The following DOCK7 variants were observed in gnomAD, a reference collection of about 807,000 sequenced individuals.
The protein encoded by DOCK7 is dedicator of cytokinesis 7.
In DOCK7, 138 loss-of-function variants were observed where a neutral mutation model predicts 271.0. The ratio of observed to expected loss-of-function variants is 0.51; its 90% CI spans 0.44 to 0.59. DOCK7 has a LOEUF of 0.59. Ranked by LOEUF, DOCK7 falls within the 20% of genes least tolerant of loss-of-function variation. The pLI, the probability that DOCK7 is intolerant of heterozygous loss-of-function variation, is 0.00. For synonymous variants in DOCK7, 823 were observed against 876.1 expected (o/e 0.94, Z 1.07); for missense variants, 2,066 against 2,592.4 (o/e 0.80, Z 4.41).
chr1:62,610,041 G>C (rs2149562152), intron 14 of DOCK7, among the ~76,000 whole-genome samples: 1 of 152,234 alleles, frequency 6.6e-6, no homozygotes, highest in East Asian at 1.9e-4. Context: ...AGTAGAGACG[G>C]AGTTTCATCA....
chr1:62,552,704 A>G (rs2149421831), intron 22 of DOCK7, 28 bp downstream of exon 22: 1 of 1,557,416 alleles, frequency 6.4e-7, no homozygotes, highest in Non-Finnish European at 8.7e-7. Flanking sequence ...ACAAAAACCA[A>G]ATTTACAGAT....
Position 62,559,062 on chromosome 1 carries a change from G to C in DOCK7, c.2358C>G (p.Val786=), listed in dbSNP as rs2149439256. ...TATCTAGCAGAAGATGAAGAAATCGGACCACTGGTTCCAGCTGGGATGAAT... is the reference window on the plus strand; with the variant it reads ...TATCTAGCAGAAGATGAAGAAATCGCACCACTGGTTCCAGCTGGGATGAAT... ...ALNSSQLEPV[V]RFLHLLLDKL... The change falls in exon 20 of 50, where the codon GTC becomes GTG. Residue 786 remains valine, a synonymous_variant. Coordinates refer to ENST00000635253, the MANE Select transcript of DOCK7 (RefSeq NM_001367561.1). 1 of 1,613,766 alleles carries C rather than the reference G, an allele frequency of 6.2e-7. No homozygotes were observed. Among genetic ancestry groups the C allele is most frequent in the South Asian group, 1.1e-5 (1 of 91,056 alleles).
intron 4 of DOCK7, among the ~76,000 whole-genome samples, chr1:62,650,697 CTCA>C (rs1442011325): frequency 4.6e-5 from 7 of 152,156 alleles, no homozygotes. Context: ...TGAAAAAATG[CTCA>C]TCATCACTGG....
intron 34 of DOCK7, 52 bp downstream of exon 34, chr1:62,510,525 A>G (rs944677362): frequency 7.3e-7 from 1 of 1,377,676 alleles, no homozygotes; most frequent in African/African-American, 1.4e-5. Flanking sequence ...TTCCTCTTAC[A>G]TTTTAAAATT....
chr1:62,462,914 CTTT>C (rs34400688), intron 48 of DOCK7, among the ~76,000 whole-genome samples: 35 of 79,346 alleles, frequency 4.4e-4, no homozygotes, highest in Non-Finnish European at 4.7e-4. Flanking sequence ...GTAGAAAAAG[CTTT>C]TTTTTTTTTT....
At chr1:62,673,804 A>C (rs1660258869) in intron 1 of DOCK7, among the ~76,000 whole-genome samples, 1 of 152,126 alleles carries the variant, frequency 6.6e-6, no homozygotes, top group South Asian at 2.1e-4. Context: ...CATCATACTT[A>C]ACAGTGAAAG....
In DOCK7 at chr1:62,653,777, CAT is replaced by C. The variant is rs1657657198; in HGVS notation, c.335_336del (p.His112ArgfsTer2). 6.3e-7 allele frequency: 1 copy of C among 1,595,034 alleles called. No homozygotes were observed. The highest frequency in any genetic ancestry group is 1.1e-5 in the South Asian group (1 of 90,206). On this transcript the variant is annotated frameshift_variant, in exon 4 of 50. Transcript: ENST00000635253. LOFTEE classifies it high-confidence loss of function. ...AVPEESEMDP[H>X]VRDCIRSYTE... ...GTATAACTTCTTATACAGTCTCTAA[CAT>C]GTGGATCCATTTCACTATTTTAAAA...
chr1:62,517,210 C>T (rs1326883777), intron 31 of DOCK7, among the ~76,000 whole-genome samples: 1 of 152,184 alleles, frequency 6.6e-6, no homozygotes, highest in Non-Finnish European at 1.5e-5. Context: ...AAACCTTATG[C>T]CTTTTATTAC....
At chr1:62,574,593 A>C (rs1181882871) in intron 18 of DOCK7, among the ~76,000 whole-genome samples, 1 of 152,236 alleles carries the variant, frequency 6.6e-6, no homozygotes, top group African/African-American at 2.4e-5. Context: ...GTCAGAAAAC[A>C]AACTGACATT....
At chr1:62,604,849 A>G in intron 14 of DOCK7, 2 of 1,586,666 alleles carry the variant, frequency 1.3e-6, no homozygotes, top group Non-Finnish European at 1.7e-6. Context: ...AATAATTTAA[A>G]CATTAACCTC....
intron 40 of DOCK7, among the ~76,000 whole-genome samples, chr1:62,493,115 TATAAC>T (rs1335128149): frequency 3.9e-5 from 6 of 152,298 alleles, no homozygotes; most frequent in African/African-American, 7.2e-5. Flanking sequence ...GAAATTGTAA[TATAAC>T]ATAAGACATC....
chr1:62,553,221 G>C (rs1181063695), intron 21 of DOCK7, among the ~76,000 whole-genome samples: 1 of 145,644 alleles, frequency 6.9e-6, no homozygotes, highest in African/African-American at 2.5e-5. Flanking sequence ...TTTTAGTAGA[G>C]ATGAAGTTTC....
intron 1 of DOCK7, among the ~76,000 whole-genome samples, chr1:62,674,348 A>G (rs1407988099): frequency 1.3e-5 from 2 of 152,182 alleles, no homozygotes; most frequent in Admixed American, 1.3e-4. Context: ...GGAAGACTCA[A>G]TATTGTTCAG....
In DOCK7 at chr1:62,535,505, G is replaced by C; in HGVS notation, c.3599C>G (p.Pro1200Arg). The change falls in exon 29 of 50, where the codon CCT becomes CGT. Residue 1200 changes from proline (P) to arginine (R), a missense_variant. Transcript: ENST00000635253. ...VLTELAVILD[P>R]DAEGLFGLHK... ...CTAGTGTACTCACCCTTCAGCATCAGGGTCTAAAATGACAGCCAGCTCTGT... is the reference window on the plus strand; with the variant it reads ...CTAGTGTACTCACCCTTCAGCATCACGGTCTAAAATGACAGCCAGCTCTGT... 6.2e-7 allele frequency: 1 copy of C among 1,613,650 alleles called. No individual in the cohort carries two copies.
chr1:62,476,031 G>C (rs1316623993), intron 45 of DOCK7, 36 bp downstream of exon 45: 1 of 1,599,222 alleles, frequency 6.3e-7, no homozygotes, highest in South Asian at 1.1e-5. Flanking sequence ...ATTTCAAAGA[G>C]ATGTCTATAT....
chr1:62,595,182 C>G (rs1175558563), intron 14 of DOCK7, among the ~76,000 whole-genome samples: 4 of 152,146 alleles, frequency 2.6e-5, no homozygotes, highest in African/African-American at 9.6e-5. Context: ...AAAATCTAGA[C>G]TATAACAAAA....
At chr1:62,460,532 T>G (rs1051835441) in intron 48 of DOCK7, among the ~76,000 whole-genome samples, 10 of 152,110 alleles carry the variant, frequency 6.6e-5, no homozygotes, top group African/African-American at 2.2e-4. Flanking sequence ...ATTAAACTTG[T>G]CTTCAGATTT....
chr1:62,520,490 T>C (rs1359242013), intron 31 of DOCK7, among the ~76,000 whole-genome samples: 2 of 146,282 alleles, frequency 1.4e-5, no homozygotes, highest in African/African-American at 5.0e-5. Context: ...AACAAACATA[T>C]GAAAAAAAGC....
Position 62,559,170 on chromosome 1 carries a change from GT to G in DOCK7, c.2249del (p.His750ProfsTer17), listed in dbSNP as rs1646240199. ...FFALVNALDE[H>X]LFPVRIGDMR... Reference sequence around the variant, plus strand: ...TGTCCCCAATTCGGACTGGGAACAGGTGTTCATCCAGAGCATTGACCAGAGC... The same window carrying G: ...TGTCCCCAATTCGGACTGGGAACAGGGTTCATCCAGAGCATTGACCAGAGC... On this transcript the variant is annotated frameshift_variant, in exon 20 of 50. Transcript: ENST00000635253. LOFTEE classifies it high-confidence loss of function. The G allele has an allele frequency of 6.2e-7, 1 of 1,613,574 alleles. No homozygotes were observed. The highest frequency in any genetic ancestry group is 8.5e-7 in the Non-Finnish European group (1 of 1,179,854).
Sources: allele counts gnomAD v4.1 joint callset (sites outside exome capture counted in the v4.1 genomes callset), GRCh38; gene constraint gnomAD v4.1.1; transcripts MANE v1.5; gene names NCBI Gene and HGNC (gene_info 2026-07-23, HGNC 2026-07-21).